SYN3: variants seen among roughly 807,000 people sequenced by gnomAD.
SYN3 encodes synapsin III.
In SYN3, 35 loss-of-function variants were observed where a neutral mutation model predicts 65.8. The observed-to-expected ratio is 0.53, with a 90% confidence interval of 0.41 to 0.70. SYN3 has a LOEUF of 0.70. Among genes scored for constraint, SYN3 ranks in the 30% least tolerant of loss-of-function variants. SYN3 has a pLI of 0.00. For synonymous variants in SYN3, 270 were observed against 292.9 expected, an observed-to-expected ratio of 0.92 and a Z score of 0.80; for missense variants, 680 against 749.0, an observed-to-expected ratio of 0.91 and a Z score of 1.08.
At chr22:32,517,218 C>T (rs966715782) in intron 13 of SYN3, among the ~76,000 whole-genome samples, 4 of 152,234 alleles carry the variant, frequency 2.6e-5, no homozygotes, top group Admixed American at 6.5e-5. Context: ...TGACTAAAAG[C>T]GTGTGATAAA....
intron 7 of SYN3, among the ~76,000 whole-genome samples, chr22:32,544,668 CT>C (rs1254437230): frequency 1.3e-5 from 2 of 152,228 alleles, no homozygotes; most frequent in Non-Finnish European, 2.9e-5. Flanking sequence ...ATGTTGCCAC[CT>C]CTTCTTCCAA....
Position 33,006,432 on chromosome 22 carries a change from C to T in SYN3, c.231G>A (p.Leu77=). The T allele has an allele frequency of 1.2e-6, 2 of 1,614,160 alleles. No homozygotes were observed. The highest frequency in any genetic ancestry group is 1.7e-6 in the Non-Finnish European group (2 of 1,180,024). ...MKQAPQATSG[L]MEPPGPSTPI... ...GCGTGGAGGGACCTGGAGGCTCCATCAGTCCTGAGGTGGCCTGAGGGGCCT... is the reference window on the plus strand; with the variant it reads ...GCGTGGAGGGACCTGGAGGCTCCATTAGTCCTGAGGTGGCCTGAGGGGCCT... Residue 77 remains leucine, a synonymous_variant, in exon 2 of 14, where the codon CTG becomes CTA. Transcript: ENST00000358763.
chr22:32,677,443 C>T (rs2060461831), intron 6 of SYN3, among the ~76,000 whole-genome samples: 1 of 152,104 alleles, frequency 6.6e-6, no homozygotes, highest in African/African-American at 2.4e-5. Flanking sequence ...TAAATTGTGG[C>T]TCAATCACAT....
chr22:32,970,369 T>C (rs1197772032), intron 3 of SYN3, among the ~76,000 whole-genome samples: 1 of 151,536 alleles, frequency 6.6e-6, no homozygotes, highest in Non-Finnish European at 1.5e-5. Context: ...TAGCTGGGCG[T>C]GTTGGCTCAC....
rs757382879 is a variant in SYN3, at chr22:32,541,671, C to T, written c.817G>A (p.Val273Met). 34 of 1,613,944 alleles carry T rather than the reference C, an allele frequency of 2.1e-5. No individual in the cohort carries two copies. Among genetic ancestry groups the T allele is most frequent in the Non-Finnish European group, 2.9e-5 (34 of 1,180,040 alleles). Residue 273 changes from valine (V) to methionine (M), a missense_variant, in exon 8 of 14, where the codon GTG becomes ATG. Physicochemically the swap from Val to Met is conservative, Grantham distance 21. Transcript: ENST00000358763. ...NQLDFQDITS[V>M]VAMAKTYATT... ...GCGTAGGTTTTGGCCATGGCGACCA[C>T]GCTGGTGATGTCCTGGAAGTCAAGC...
chr22:33,028,797 T>C (rs1000200162), intron 1 of SYN3, among the ~76,000 whole-genome samples: 1 of 151,908 alleles, frequency 6.6e-6, no homozygotes, highest in Non-Finnish European at 1.5e-5. Flanking sequence ...TCCCAGCACT[T>C]TGGGAGGCCA....
At chr22:32,793,786 T>C (rs1296291305) in intron 6 of SYN3, among the ~76,000 whole-genome samples, 1 of 152,244 alleles carries the variant, frequency 6.6e-6, no homozygotes, top group Admixed American at 6.5e-5. Context: ...GTCATCTGTC[T>C]TACTGAAGCC....
intron 4 of SYN3, among the ~76,000 whole-genome samples, chr22:32,923,043 C>T (rs1268355956): frequency 6.6e-6 from 1 of 152,154 alleles, no homozygotes; most frequent in Non-Finnish European, 1.5e-5. Flanking sequence ...TGACAAGTTC[C>T]ACAAGATGCT....
At chr22:32,904,731 C>T (rs752712673) in intron 4 of SYN3, among the ~76,000 whole-genome samples, 11 of 152,126 alleles carry the variant, frequency 7.2e-5, no homozygotes, top group Non-Finnish European at 1.3e-4. Context: ...TTCCACTCCA[C>T]GCAACACTTG....
chr22:32,825,262 G>A (rs906949419), intron 6 of SYN3, among the ~76,000 whole-genome samples: 8 of 152,124 alleles, frequency 5.3e-5, no homozygotes, highest in African/African-American at 1.7e-4. Flanking sequence ...GATGGCTGGC[G>A]GAAGATCTGC....
chr22:32,575,508 A>T (rs774371552), intron 7 of SYN3, among the ~76,000 whole-genome samples: 9 of 152,214 alleles, frequency 5.9e-5, no homozygotes, highest in Non-Finnish European at 1.3e-4. Flanking sequence ...CCTGCCCCTG[A>T]GTCATGACCT....
chr22:32,850,378 AC>A (rs1442276984), intron 6 of SYN3, among the ~76,000 whole-genome samples: 2 of 151,960 alleles, frequency 1.3e-5, no homozygotes, highest in Non-Finnish European at 2.9e-5. Flanking sequence ...CATTCTAAGC[AC>A]CCTGGGATGC....
intron 6 of SYN3, among the ~76,000 whole-genome samples, chr22:32,819,210 C>T (rs2047169332): frequency 6.6e-6 from 1 of 152,346 alleles, no homozygotes; most frequent in Middle Eastern, 3.4e-3. Context: ...CTTGGCCTTG[C>T]AGGCCGGTGC....
intron 4 of SYN3, among the ~76,000 whole-genome samples, chr22:32,923,080 C>T (rs147560854): frequency 1.3e-5 from 2 of 152,272 alleles, no homozygotes; most frequent in East Asian, 1.9e-4. Context: ...ACCAGGAAAG[C>T]TCATAGTGTG....
intron 6 of SYN3, among the ~76,000 whole-genome samples, chr22:32,626,025 T>A (rs1182699594): frequency 1.3e-5 from 2 of 151,822 alleles, no homozygotes; most frequent in African/African-American, 4.8e-5. Flanking sequence ...GAAGGAGGAA[T>A]CAGGAAAAGC....
intron 4 of SYN3, among the ~76,000 whole-genome samples, chr22:32,903,473 G>A (rs1027845931): frequency 2.0e-4 from 31 of 152,202 alleles, no homozygotes; most frequent in Middle Eastern, 3.4e-3. Context: ...AACTGTTCTG[G>A]GGCCTTTTCC....
chr22:32,859,158 G>T, intron 6 of SYN3: 1 of 1,613,002 alleles, frequency 6.2e-7, no homozygotes, highest in South Asian at 1.1e-5. Context: ...TCCATCAACT[G>T]CTGCCTGTTA....
chr22:32,549,002 G>A (rs1024763215), intron 7 of SYN3, among the ~76,000 whole-genome samples: 2 of 152,106 alleles, frequency 1.3e-5, no homozygotes, highest in African/African-American at 4.8e-5. Context: ...AGCTGTGGAT[G>A]GAGCTGGAGG....
At chr22:33,002,833 C>T (rs928285291) in intron 2 of SYN3, among the ~76,000 whole-genome samples, 1 of 152,172 alleles carries the variant, frequency 6.6e-6, no homozygotes, top group Non-Finnish European at 1.5e-5. Flanking sequence ...TTGGTGCCTA[C>T]TGATACGGTT....
Sources: gnomAD v4.1 joint callset for allele counts (sites outside exome capture counted in the v4.1 genomes callset) on GRCh38, gnomAD v4.1.1 for gene constraint, MANE v1.5 for transcripts, NCBI Gene and HGNC (gene_info 2026-07-23, HGNC 2026-07-21) for gene names.